Variants in LRRC4C observed in about 807,000 individuals in gnomAD.
The protein encoded by LRRC4C is leucine rich repeat containing 4C.
A neutral mutation model predicts 33.6 loss-of-function variants in LRRC4C; 5 were observed. The ratio of observed to expected loss-of-function variants is 0.15; its 90% CI spans 0.08 to 0.31. LRRC4C has a LOEUF of 0.31. Among genes scored for constraint, LRRC4C ranks in the 10% least tolerant of loss-of-function variants. LRRC4C has a pLI of 1.00. For missense variants in LRRC4C, 560 were observed against 796.7 expected (o/e 0.70, Z 3.58); for synonymous variants, 329 against 302.0 (o/e 1.09, Z -0.93).
chr11:40,855,419 C>T (rs1257808137), intron 2 of LRRC4C, among the ~76,000 whole-genome samples: 1 of 152,096 alleles, frequency 6.6e-6, no homozygotes, highest in Non-Finnish European at 1.5e-5. Flanking sequence ...TTTGTTTTGC[C>T]TTATAACGCC....
intron 1 of LRRC4C, among the ~76,000 whole-genome samples, chr11:41,031,591 C>G (rs1856731575): frequency 6.6e-6 from 1 of 151,950 alleles, no homozygotes; most frequent in Admixed American, 6.6e-5. Flanking sequence ...TTATACTACC[C>G]ACTGTGGCAG....
intron 1 of LRRC4C, among the ~76,000 whole-genome samples, chr11:41,220,729 G>A (rs1053580244): frequency 6.6e-6 from 1 of 152,088 alleles, no homozygotes; most frequent in Non-Finnish European, 1.5e-5. Context: ...ACTAAAAGCA[G>A]ATATGTTGAT....
At chr11:41,450,261 A>C (rs1175418547) in intron 1 of LRRC4C, among the ~76,000 whole-genome samples, 1 of 152,130 alleles carries the variant, frequency 6.6e-6, no homozygotes, top group African/African-American at 2.4e-5. Flanking sequence ...GAAACTGAGG[A>C]CACTAAATAG....
chr11:40,444,835 G>A (rs1401641704), intron 3 of LRRC4C, among the ~76,000 whole-genome samples: 1 of 152,182 alleles, frequency 6.6e-6, no homozygotes, highest in Non-Finnish European at 1.5e-5. Context: ...TAGGCTGTTT[G>A]TGTTGTAACC....
intron 4 of LRRC4C, among the ~76,000 whole-genome samples, chr11:40,311,766 G>A (rs1452338384): frequency 1.3e-5 from 2 of 151,984 alleles, no homozygotes; most frequent in Non-Finnish European, 2.9e-5. Context: ...CCAACTTGGT[G>A]AAACCCTGTC....
rs993461993 is a variant in LRRC4C, at chr11:40,718,915, C to T, written c.-406-70637G>A. Among the ~76,000 whole-genome samples, 3 of 152,222 alleles carry T rather than the reference C, an allele frequency of 2.0e-5. No individual in the cohort carries two copies. In the East Asian group the frequency reaches 5.8e-4, roughly 29 times the overall value. On this transcript the variant is annotated intron_variant, in intron 2 of 6. Coordinates refer to ENST00000528697, the MANE Select transcript of LRRC4C (RefSeq NM_001258419.2). ...TTTCTTTTCCTTCCTCTAAGCTTTGCATTAATAAAGCATAGAAGGAAGAAG... is the reference window on the plus strand; with the variant it reads ...TTTCTTTTCCTTCCTCTAAGCTTTGTATTAATAAAGCATAGAAGGAAGAAG...
At chr11:40,931,923 T>C (rs577022444) in intron 2 of LRRC4C, among the ~76,000 whole-genome samples, 1 of 152,244 alleles carries the variant, frequency 6.6e-6, no homozygotes, top group Non-Finnish European at 1.5e-5. Flanking sequence ...CCTTCAGTAC[T>C]TAAATCTATT....
intron 1 of LRRC4C, among the ~76,000 whole-genome samples, chr11:41,276,194 T>C (rs935720420): frequency 6.6e-6 from 1 of 152,172 alleles, no homozygotes; most frequent in Admixed American, 6.6e-5. Context: ...ATTCACCATG[T>C]CCAAAAATAA....
At chr11:41,067,953 C>T (rs888112784) in intron 1 of LRRC4C, among the ~76,000 whole-genome samples, 3 of 152,054 alleles carry the variant, frequency 2.0e-5, no homozygotes, top group African/African-American at 7.2e-5. Context: ...CATCAGAAAG[C>T]TAGAAAGATC....
chr11:40,633,081 C>T (rs1239732803), intron 3 of LRRC4C, among the ~76,000 whole-genome samples: 1 of 151,910 alleles, frequency 6.6e-6, no homozygotes, highest in Non-Finnish European at 1.5e-5. Flanking sequence ...CTAAGTTTTA[C>T]TAACATTTAT....
chr11:40,303,759 A>T (rs1372296632), intron 4 of LRRC4C, among the ~76,000 whole-genome samples: 2 of 152,224 alleles, frequency 1.3e-5, no homozygotes, highest in Non-Finnish European at 2.9e-5. Flanking sequence ...CACTTTAAGG[A>T]CATAAAAAGT....
intron 1 of LRRC4C, among the ~76,000 whole-genome samples, chr11:41,423,123 AATGACTAAC>A (rs1954928332): frequency 6.6e-6 from 1 of 152,244 alleles, no homozygotes; most frequent in East Asian, 1.9e-4. Flanking sequence ...TTCAGGTCAC[AATGACTAAC>A]ATGAATTTTT....
At chr11:40,970,451 T>A (rs927428915) in intron 1 of LRRC4C, among the ~76,000 whole-genome samples, 2 of 152,180 alleles carry the variant, frequency 1.3e-5, no homozygotes, top group African/African-American at 2.4e-5. Flanking sequence ...CAGAAGCCAC[T>A]ATGCTTCCCA....
At chr11:41,306,471 G>C (rs1422055351) in intron 1 of LRRC4C, among the ~76,000 whole-genome samples, 1 of 152,204 alleles carries the variant, frequency 6.6e-6, no homozygotes, top group African/African-American at 2.4e-5. Context: ...AATGTAAAGA[G>C]TGGCAGTCTG....
chr11:40,231,441 C>T (rs75301779), intron 5 of LRRC4C, among the ~76,000 whole-genome samples: 9,977 of 147,500 alleles, frequency 0.068, 441 homozygotes, highest in Non-Finnish European at 0.092. Context: ...CATATAAGTA[C>T]ATTAAATTAT....
intron 2 of LRRC4C, among the ~76,000 whole-genome samples, chr11:40,801,287 C>G (rs1433106526): frequency 6.6e-6 from 1 of 152,060 alleles, no homozygotes; most frequent in Non-Finnish European, 1.5e-5. Context: ...GTATATTTGC[C>G]ATTCCCTCCA....
intron 2 of LRRC4C, among the ~76,000 whole-genome samples, chr11:40,719,533 C>A (rs1946903102): frequency 6.6e-6 from 1 of 152,156 alleles, no homozygotes; most frequent in African/African-American, 2.4e-5. Context: ...CCAATTCCAT[C>A]TGTCCTGAAT....
chr11:40,883,916 T>G (rs1366167602), intron 2 of LRRC4C, among the ~76,000 whole-genome samples: 1 of 151,122 alleles, frequency 6.6e-6, no homozygotes, highest in Non-Finnish European at 1.5e-5. Flanking sequence ...TTAATTTTAC[T>G]TTAAGTTCTG....
intron 3 of LRRC4C, among the ~76,000 whole-genome samples, chr11:40,635,087 A>G (rs1293516040): frequency 6.6e-6 from 1 of 152,186 alleles, no homozygotes; most frequent in African/African-American, 2.4e-5. Context: ...AGTCTTACAA[A>G]AAGATTCCCA....
Sources: allele counts gnomAD v4.1 joint callset (sites outside exome capture counted in the v4.1 genomes callset), GRCh38; gene constraint gnomAD v4.1.1; transcripts MANE v1.5; gene names NCBI Gene and HGNC (gene_info 2026-07-23, HGNC 2026-07-21).